The following SEPTIN9 variants were observed in gnomAD, a reference collection of about 807,000 sequenced individuals.
The protein encoded by SEPTIN9 is septin 9.
In SEPTIN9, 13 loss-of-function variants were observed where a neutral mutation model predicts 56.6. The observed-to-expected ratio is 0.23, with a 90% CI of 0.15 to 0.37. The LOEUF (loss-of-function observed/expected upper bound fraction) is 0.37, where lower values mean the gene tolerates loss of function less well. SEPTIN9 is among the 10% of genes least tolerant of loss of function. The pLI is 1.00. For synonymous variants in SEPTIN9, 332 were observed against 334.1 expected, an observed-to-expected ratio of 0.99 and a Z score of 0.07; for missense variants, 650 against 823.1, an observed-to-expected ratio of 0.79 and a Z score of 2.57.
chr17:77,468,086 A>C (rs1598422497), intron 3 of SEPTIN9, among the ~76,000 whole-genome samples: 2 of 152,048 alleles, frequency 1.3e-5, no homozygotes, highest in African/African-American at 4.8e-5. Flanking sequence ...TAACACGGTG[A>C]AACCCCGTTT....
rs1304004192 is a variant in SEPTIN9 at position 77,389,165 on chromosome 17, A to G, written c.77-12894A>G. Among the ~76,000 whole-genome samples, 2 of 152,126 alleles carry G rather than the reference A, an allele frequency of 1.3e-5. No homozygotes were observed. The highest frequency in any genetic ancestry group is 2.9e-5 in the Non-Finnish European group (2 of 68,014). Reference sequence around the variant, plus strand: ...TGCTGGCTCCTCGCAGGGAGCTGGGATGCATTTCTAAGAGCAGCATGCGTG... The same window carrying G: ...TGCTGGCTCCTCGCAGGGAGCTGGGGTGCATTTCTAAGAGCAGCATGCGTG... On this transcript the variant is annotated intron_variant, in intron 2 of 11. Coordinates refer to ENST00000427177, the MANE Select transcript of SEPTIN9 (RefSeq NM_001113491.2). The surrounding 1 kb of genome is among the most constrained non-coding windows in gnomAD (Gnocchi z 4.3).
chr17:77,368,765 T>G (rs900120743), intron 2 of SEPTIN9, among the ~76,000 whole-genome samples: 6 of 152,250 alleles, frequency 3.9e-5, no homozygotes, highest in Admixed American at 3.9e-4. Context: ...AGTAATTATA[T>G]TTAAAACAAA....
At chr17:77,343,969 G>A (rs1488636539) in intron 2 of SEPTIN9, among the ~76,000 whole-genome samples, 1 of 152,162 alleles carries the variant, frequency 6.6e-6, no homozygotes, top group African/African-American at 2.4e-5. Flanking sequence ...ATTGGAGTTG[G>A]CAATGCTTTC....
chr17:77,403,948 T>C (rs2035983246), intron 3 of SEPTIN9, among the ~76,000 whole-genome samples: 1 of 152,172 alleles, frequency 6.6e-6, no homozygotes, highest in Admixed American at 6.5e-5. Context: ...CTCCCCCAGC[T>C]GCTGGCAGCC....
At chr17:77,397,604 C>A (rs1191375076) in intron 2 of SEPTIN9, among the ~76,000 whole-genome samples, 1 of 152,160 alleles carries the variant, frequency 6.6e-6, no homozygotes, top group Non-Finnish European at 1.5e-5. Context: ...GTGCGTCCCT[C>A]CTCCTTGGGA....
intron 3 of SEPTIN9, among the ~76,000 whole-genome samples, chr17:77,457,944 G>A (rs1381739539): frequency 2.0e-5 from 3 of 152,322 alleles, no homozygotes; most frequent in East Asian, 1.9e-4. Context: ...TCTGGGCCAC[G>A]GCAGCGTCCC....
At chr17:77,446,784 G>C (rs2037758930) in intron 3 of SEPTIN9, 1 of 167,112 alleles carries the variant, frequency 6.0e-6, no homozygotes, top group South Asian at 2.1e-4. Flanking sequence ...GAGTTATTCA[G>C]CCTACCCTAG....
At chr17:77,477,946 C>T (rs1436421321) in intron 3 of SEPTIN9, among the ~76,000 whole-genome samples, 4 of 152,144 alleles carry the variant, frequency 2.6e-5, no homozygotes, top group East Asian at 1.9e-4. Context: ...CGTAGCAGGG[C>T]GAGGCCTGGA....
intron 1 of SEPTIN9, among the ~76,000 whole-genome samples, chr17:77,296,133 G>A (rs995445558): frequency 6.6e-6 from 1 of 152,164 alleles, no homozygotes; most frequent in African/African-American, 2.4e-5. Context: ...GACACAGCAG[G>A]GAGGTGGGTA....
In SEPTIN9 at chr17:77,475,137, C is replaced by A; in HGVS notation, c.722-7007C>A. 1 of 891,886 alleles carries A rather than the reference C, an allele frequency of 1.1e-6. No individual in the cohort carries two copies. Among genetic ancestry groups the A allele is most frequent in the Non-Finnish European group, 1.4e-6 (1 of 703,854 alleles). The allele number at this position is 891,886 out of a possible 1,614,324, so 55.2% of individuals were successfully genotyped here. A position where few individuals can be genotyped will look rare whatever the true frequency, so the allele number is the denominator to read the frequency against. On this transcript the variant is annotated intron_variant, in intron 3 of 11. Coordinates refer to ENST00000427177, the MANE Select transcript of SEPTIN9 (RefSeq NM_001113491.2). This position sits in a 1 kb window ranked among gnomAD's most constrained non-coding sequence, Gnocchi z 4.6. ...GGGGCTTGCCGTGAGCCCTACGCTG[C>A]TCTGAAGAAAGCCGGGCTGGGGTGA...
chr17:77,490,703 C>G (rs1161426118), intron 7 of SEPTIN9, 39 bp from the exon 8 acceptor site: 2 of 1,487,170 alleles, frequency 1.3e-6, no homozygotes, highest in Admixed American at 2.0e-5. Flanking sequence ...CACTGCCCCG[C>G]TCCCCCAGAT....
At chr17:77,438,184 C>T (rs1598375780) in intron 3 of SEPTIN9, among the ~76,000 whole-genome samples, 1 of 152,314 alleles carries the variant, frequency 6.6e-6, no homozygotes, top group East Asian at 1.9e-4. Context: ...GGAACAGATG[C>T]TCACGGAGCT....
At chr17:77,497,180 C>T (rs963931473) in intron 10 of SEPTIN9, 135 bp from the exon 11 acceptor site, 7 of 853,958 alleles carry the variant, frequency 8.2e-6, no homozygotes, top group Middle Eastern at 2.2e-4. Flanking sequence ...CAGGTGGTTC[C>T]CCTGCCCTCC....
intron 3 of SEPTIN9, among the ~76,000 whole-genome samples, chr17:77,470,064 C>CACCCATCT (rs1226539544): frequency 1.3e-5 from 2 of 151,478 alleles, no homozygotes; most frequent in African/African-American, 4.9e-5. Context: ...TCCACCCATC[C>CACCCATCT]ACTCATTCAC....
At chr17:77,301,316 C>A (rs1833448713) in intron 1 of SEPTIN9, among the ~76,000 whole-genome samples, 1 of 152,112 alleles carries the variant, frequency 6.6e-6, no homozygotes. Context: ...CTCAGCCTCC[C>A]AAACTGCTGA....
At chr17:77,486,519 TGTGCGCGCAC>T (rs776454640) in intron 4 of SEPTIN9, among the ~76,000 whole-genome samples, 2,570 of 106,706 alleles carry the variant, frequency 0.024, 55 homozygotes, top group African/African-American at 0.084. Context: ...TGTGTGTGTG[TGTGCGCGCAC>T]GCGCGCGCGT....
chr17:77,437,997 C>T lies in SEPTIN9; in HGVS notation c.721+35294C>T, dbSNP rs530552857. Reference sequence around the variant, plus strand: ...CATCCGGGCCTCTCCGGTGGCCATGCATGGGTGAGCAGCCCACGACACATC... The same window carrying T: ...CATCCGGGCCTCTCCGGTGGCCATGTATGGGTGAGCAGCCCACGACACATC... On this transcript the variant is annotated intron_variant, in intron 3 of 11. Coordinates refer to ENST00000427177, the MANE Select transcript of SEPTIN9 (RefSeq NM_001113491.2). The surrounding 1 kb of genome is among the most constrained non-coding windows in gnomAD (Gnocchi z 5.3). Among the ~76,000 whole-genome samples, 5 of 152,222 alleles carry T rather than the reference C, an allele frequency of 3.3e-5. No individual in the cohort carries two copies. Among genetic ancestry groups the T allele is most frequent in the Non-Finnish European group, 5.9e-5 (4 of 68,042 alleles).
At chr17:77,392,128 A>G (rs932312147) in intron 2 of SEPTIN9, among the ~76,000 whole-genome samples, 2 of 152,122 alleles carry the variant, frequency 1.3e-5, no homozygotes, top group African/African-American at 2.4e-5. Flanking sequence ...CGAAAATCCA[A>G]CCACAGGCTC....
At position 77,492,234 on chromosome 17, in the gene SEPTIN9, A is replaced by C. The variant is rs1464104012; in HGVS notation, c.1381-387A>C. Reference sequence around the variant, plus strand: ...GTCGGGCTGCTGGCAGGGAGCTGAGAGGTTACTGCAGGCGGGGCCCCTGCT... The same window carrying C: ...GTCGGGCTGCTGGCAGGGAGCTGAGCGGTTACTGCAGGCGGGGCCCCTGCT... On this transcript the variant is annotated intron_variant, in intron 8 of 11. Coordinates refer to ENST00000427177, the MANE Select transcript of SEPTIN9 (RefSeq NM_001113491.2). The surrounding 1 kb of genome is among the most constrained non-coding windows in gnomAD (Gnocchi z 5.4). 2.0e-5 allele frequency among the ~76,000 whole-genome samples: 3 copies of C among 151,938 alleles called. No homozygotes were observed. The highest frequency in any genetic ancestry group is 1.5e-5 in the Non-Finnish European group (1 of 67,990).
Sources: gnomAD v4.1 joint callset for allele counts (sites outside exome capture counted in the v4.1 genomes callset) on GRCh38, gnomAD v4.1.1 for gene constraint, Gnocchi (gnomAD v3.1) non-coding constraint, MANE v1.5 for transcripts, NCBI Gene and HGNC (gene_info 2026-07-23, HGNC 2026-07-21) for gene names.